The following EFNA2 variants were observed in gnomAD, a reference collection of about 807,000 sequenced individuals.
EFNA2 encodes ephrin-A2.
In EFNA2, 18 loss-of-function variants were observed where a neutral mutation model predicts 19.7. The ratio of observed to expected loss-of-function variants is 0.91; its 90% CI spans 0.63 to 1.35. EFNA2 has a LOEUF of 1.35. Ranked by LOEUF, EFNA2 falls within the 40% of genes most tolerant of loss-of-function variation. The pLI is 0.00. For missense variants in EFNA2, 303 were observed against 296.0 expected (o/e 1.02, Z -0.17); for synonymous variants, 187 against 137.8 (o/e 1.36, Z -2.50).
chr19:1,298,535 AT>A lies in EFNA2; in HGVS notation c.455-15del. Reference sequence around the variant, plus strand: ...AAGAGGCACTTCCCCACTCATCCCCATCCCCTCTCTTCTAGCTGCCACGCCT... The same window carrying A: ...AAGAGGCACTTCCCCACTCATCCCCACCCCTCTCTTCTAGCTGCCACGCCT... On this transcript the variant is annotated splice_polypyrimidine_tract_variant and intron_variant, in intron 2 of 3. Coordinates refer to ENST00000215368, the MANE Select transcript of EFNA2 (RefSeq NM_001405.4). 6.2e-7 allele frequency: 1 copy of A among 1,613,492 alleles called. No individual in the cohort carries two copies. The highest frequency in any genetic ancestry group is 8.5e-7 in the Non-Finnish European group (1 of 1,179,774).
In EFNA2 at chr19:1,300,331, C is replaced by T. The variant is rs577919663; in HGVS notation, c.*386C>T. On this transcript the variant is annotated 3_prime_UTR_variant, in exon 4 of 4. Coordinates refer to ENST00000215368, the MANE Select transcript of EFNA2 (RefSeq NM_001405.4). Reference sequence around the variant, plus strand: ...ACTTGAGTTTTTAATTTAATTTATTCCCTGCCGTTGTAGCGGGGCGGGGTC... The same window carrying T: ...ACTTGAGTTTTTAATTTAATTTATTTCCTGCCGTTGTAGCGGGGCGGGGTC... 1 of 142,006 alleles carries T rather than the reference C, an allele frequency of 7.0e-6. No individual in the cohort carries two copies. Among genetic ancestry groups the T allele is most frequent in the African/African-American group, 2.7e-5 (1 of 36,416 alleles). The allele number at this position is 142,006 out of a possible 1,614,324, so 8.8% of individuals were successfully genotyped here.
At chr19:1,285,685 C>T (rs1039465906), upstream of EFNA2, among the ~76,000 whole-genome samples, 81 of 151,286 alleles carry the variant, frequency 5.4e-4, no homozygotes, top group African/African-American at 1.9e-3. This position sits in a 1 kb window ranked among gnomAD's most constrained non-coding sequence, Gnocchi z 4.1. Context: ...CCGGGCCACG[C>T]GGATGCCGGC....
rs1302844492 is a variant in EFNA2, at chr19:1,294,850, T to A, written c.141-695T>A. On this transcript the variant is annotated intron_variant, in intron 1 of 3. Coordinates refer to ENST00000215368, the MANE Select transcript of EFNA2 (RefSeq NM_001405.4). The surrounding 1 kb of genome is among the most constrained non-coding windows in gnomAD (Gnocchi z 5.8). ...CCCGGTCCTTCTCAACAGGTGGGAG[T>A]GCAGAATGAAAGCAGGGCTGGGGGC... 6.7e-6 allele frequency among the ~76,000 whole-genome samples: 1 copy of A among 149,066 alleles called. No individual in the cohort carries two copies. Among genetic ancestry groups the A allele is most frequent in the Non-Finnish European group, 1.5e-5 (1 of 67,232 alleles).
rs1004578384 is a variant in EFNA2, at chr19:1,286,366, G to T, written c.140+58G>T. ...GACCCCCCAACGCCCCCCAAGCCGC[G>T]CCCGGCCTCGCGCCCCCGGAGCTCC... On this transcript the variant is annotated intron_variant, in intron 1 of 3. Coordinates refer to ENST00000215368, the MANE Select transcript of EFNA2 (RefSeq NM_001405.4). The surrounding 1 kb of genome is among the most constrained non-coding windows in gnomAD (Gnocchi z 5.6). 13 of 926,262 alleles carry T rather than the reference G, an allele frequency of 1.4e-5. No individual in the cohort carries two copies. Among genetic ancestry groups the T allele is most frequent in the Admixed American group, 6.3e-5 (1 of 15,798 alleles). 57.4% of individuals were successfully genotyped at this position (926,262 alleles called of 1,614,324 possible). A position where few individuals can be genotyped will look rare whatever the true frequency, so the allele number is the denominator to read the frequency against.
rs2081532973 is a variant in EFNA2, at chr19:1,299,928, A to G, written c.625A>G (p.Thr209Ala). 1.2e-6 allele frequency: 2 copies of G among 1,602,018 alleles called. No individual in the cohort carries two copies. Among genetic ancestry groups the G allele is most frequent in the Non-Finnish European group, 8.5e-7 (1 of 1,178,550 alleles). Residue 209 changes from threonine (T) to alanine (A), a missense_variant, in exon 4 of 4, where the codon ACC becomes GCC. Thr to Ala is a moderately conservative substitution (Grantham distance 58). Coordinates refer to ENST00000215368, the MANE Select transcript of EFNA2 (RefSeq NM_001405.4). ...CCTCAGCACCATCCCCGTGCTCTGG[A>G]CCCTCCTGGGTTCCTAGTCCCAGCC... ...LFLSTIPVLW[T>A]LLGS
Position 1,300,969 on chromosome 19 carries a change from G to T in EFNA2, c.*1024G>T, listed in dbSNP as rs2081540030. Among the ~76,000 whole-genome samples the T allele has an allele frequency of 6.8e-6, 1 of 147,666 alleles. No homozygotes were observed. Among genetic ancestry groups the T allele is most frequent in the Non-Finnish European group, 1.5e-5 (1 of 67,548 alleles). The stretch of plus-strand genomic sequence containing the variant: ...CCCTTCATAGGGGGTCTTTTATTTT[G>T]GTGGGGGGGTGGGGTGGACTTTTAG... On this transcript the variant is annotated 3_prime_UTR_variant, in exon 4 of 4. Coordinates refer to ENST00000215368, the MANE Select transcript of EFNA2 (RefSeq NM_001405.4).
At position 1,286,159 on chromosome 19, in the gene EFNA2, G is replaced by A. The variant is rs894912318; in HGVS notation, c.-10G>A. On this transcript the variant is annotated 5_prime_UTR_variant, in exon 1 of 4. Transcript: ENST00000215368. The surrounding 1 kb of genome is among the most constrained non-coding windows in gnomAD (Gnocchi z 5.6). ...GCCGGGAGAGCGAGCGCGGCGGCCG[G>A]ACCGGGGCCATGGCGCCCGCGCAGC... The A allele has an allele frequency of 6.3e-6, 6 of 959,524 alleles. No homozygotes were observed. In the African/African-American group the frequency reaches 1.1e-4, roughly 17 times the overall value. The allele number at this position is 959,524 out of a possible 1,614,324, so 59.4% of individuals were successfully genotyped here. A position where few individuals can be genotyped will look rare whatever the true frequency, so the allele number is the denominator to read the frequency against.
rs947617613 is a variant in EFNA2, at chr19:1,296,396, G to A, written c.454+538G>A. Among the ~76,000 whole-genome samples the A allele has an allele frequency of 1.3e-5, 2 of 152,212 alleles. No homozygotes were observed. Among genetic ancestry groups the A allele is most frequent in the Non-Finnish European group, 2.9e-5 (2 of 68,024 alleles). Reference sequence around the variant, plus strand: ...GGAGCTTGGTGGAAGCCACAGCTAGGCTGAGTGCTGGGGCTTACTCCTGCA... The same window carrying A: ...GGAGCTTGGTGGAAGCCACAGCTAGACTGAGTGCTGGGGCTTACTCCTGCA... On this transcript the variant is annotated intron_variant, in intron 2 of 3. Transcript: ENST00000215368. This position sits in a 1 kb window ranked among gnomAD's most constrained non-coding sequence, Gnocchi z 4.4.
At chr19:1,285,652 C>T (rs887889158), upstream of EFNA2, among the ~76,000 whole-genome samples, 2 of 151,730 alleles carry the variant, frequency 1.3e-5, no homozygotes, top group Non-Finnish European at 2.9e-5. The surrounding 1 kb of genome is among the most constrained non-coding windows in gnomAD (Gnocchi z 4.1). Flanking sequence ...CAGGGTGCGC[C>T]CCCGCCCCTC....
chr19:1,287,987 C>G lies in EFNA2; in HGVS notation c.140+1679C>G, dbSNP rs569886924. On this transcript the variant is annotated intron_variant, in intron 1 of 3. Coordinates refer to ENST00000215368, the MANE Select transcript of EFNA2 (RefSeq NM_001405.4). The surrounding 1 kb of genome is among the most constrained non-coding windows in gnomAD (Gnocchi z 6.2). ...GGCCAGGGGAAGGAAGTGGCCTCCC[C>G]AGTGCCTGGCTTGGCCCAGCCACCT... Among the ~76,000 whole-genome samples the G allele has an allele frequency of 8.5e-5, 13 of 152,382 alleles. No individual in the cohort carries two copies. In the East Asian group the frequency reaches 2.5e-3, roughly 29 times the overall value.
chr19:1,298,805 C>T (rs150582476), intron 3 of EFNA2, among the ~76,000 whole-genome samples, 189 bp downstream of exon 3: 23 of 152,294 alleles, frequency 1.5e-4, no homozygotes, highest in African/African-American at 3.4e-4. Context: ...GTTAGCTGAG[C>T]GCAGTGGCTC....
Position 1,295,884 on chromosome 19 carries a change from C to CG in EFNA2, c.454+30dup. On this transcript the variant is annotated intron_variant, in intron 2 of 3. Transcript: ENST00000215368. This position sits in a 1 kb window ranked among gnomAD's most constrained non-coding sequence, Gnocchi z 5.8. ...GTGAGTGGGGTCGGGCCGGGGCTGCCGGGGCCCGAGTGGGCGGGGACGCGG... is the reference window on the plus strand; with the variant it reads ...GTGAGTGGGGTCGGGCCGGGGCTGCCGGGGGCCCGAGTGGGCGGGGACGCGG... The CG allele has an allele frequency of 8.0e-7, 1 of 1,250,342 alleles. No individual in the cohort carries two copies. Among genetic ancestry groups the CG allele is most frequent in the Non-Finnish European group, 1.0e-6 (1 of 970,268 alleles). 77.5% of individuals were successfully genotyped at this position (1,250,342 alleles called of 1,614,324 possible).
chr19:1,299,106 C>T (rs916816649), intron 3 of EFNA2, among the ~76,000 whole-genome samples: 6 of 152,106 alleles, frequency 3.9e-5, no homozygotes, highest in Admixed American at 6.5e-5. Context: ...GGCCTGGTGG[C>T]GGGCTCCTGT....
chr19:1,295,500 G>C lies in EFNA2; in HGVS notation c.141-45G>C. The C allele has an allele frequency of 6.7e-7, 1 of 1,489,994 alleles. No individual in the cohort carries two copies. The highest frequency in any genetic ancestry group is 1.3e-5 in the South Asian group (1 of 77,476). 92.3% of individuals were successfully genotyped at this position (1,489,994 alleles called of 1,614,324 possible). ...CCCCGCGCACCCCGACCCGTGCCCC[G>C]TTCCTCGCTCCGGGCGCTGACCTCT... On this transcript the variant is annotated intron_variant, in intron 1 of 3. Coordinates refer to ENST00000215368, the MANE Select transcript of EFNA2 (RefSeq NM_001405.4). The surrounding 1 kb of genome is among the most constrained non-coding windows in gnomAD (Gnocchi z 5.8).
chr19:1,295,872 G>GGCCGGGGCT lies in EFNA2; in HGVS notation c.454+23_454+31dup. 2 of 1,565,580 alleles carry GGCCGGGGCT rather than the reference G, an allele frequency of 1.3e-6. No homozygotes were observed. Among genetic ancestry groups the GGCCGGGGCT allele is most frequent in the Non-Finnish European group, 1.7e-6 (2 of 1,163,588 alleles). On this transcript the variant is annotated intron_variant, in intron 2 of 3. Transcript: ENST00000215368. This position sits in a 1 kb window ranked among gnomAD's most constrained non-coding sequence, Gnocchi z 5.8. ...ATTACTACATCTGTGAGTGGGGTCG[G>GGCCGGGGCT]GCCGGGGCTGCCGGGGCCCGAGTGG...
In EFNA2 at chr19:1,296,353, G is replaced by A. The variant is rs917242308; in HGVS notation, c.454+495G>A. Among the ~76,000 whole-genome samples the A allele has an allele frequency of 1.3e-5, 2 of 152,204 alleles. No homozygotes were observed. The highest frequency in any genetic ancestry group is 1.3e-4 in the Admixed American group (2 of 15,284). On this transcript the variant is annotated intron_variant, in intron 2 of 3. Transcript: ENST00000215368. The surrounding 1 kb of genome is among the most constrained non-coding windows in gnomAD (Gnocchi z 4.4). ...ACTGATGAGGGAAACTGAGGCATCC[G>A]GAGCCCAGCAGGGGAGGGGAGCTTG...
In EFNA2 at chr19:1,287,173, G is replaced by C. The variant is rs1406042414; in HGVS notation, c.140+865G>C. Among the ~76,000 whole-genome samples the C allele has an allele frequency of 1.3e-5, 2 of 152,240 alleles. No homozygotes were observed. The highest frequency in any genetic ancestry group is 2.9e-5 in the Non-Finnish European group (2 of 68,044). ...CCGTTGGTCAGAGCAAAAAAAGTTT[G>C]CCGGGGCCTGGCCATGGCCTGGACG... On this transcript the variant is annotated intron_variant, in intron 1 of 3. Transcript: ENST00000215368. The surrounding 1 kb of genome is among the most constrained non-coding windows in gnomAD (Gnocchi z 6.2).
In EFNA2 at chr19:1,300,418, C is replaced by A. The variant is rs897793615; in HGVS notation, c.*473C>A. ...TGGGGTCGGGAACACAGCCGCTCCC[C>A]TCTGCTCTGCACCCCACTCGTGGGG... On this transcript the variant is annotated 3_prime_UTR_variant, in exon 4 of 4. Transcript: ENST00000215368. 5.3e-5 allele frequency among the ~76,000 whole-genome samples: 8 copies of A among 151,776 alleles called. No individual in the cohort carries two copies. The highest frequency in any genetic ancestry group is 3.3e-4 in the Admixed American group (5 of 15,240).
intron 1 of EFNA2, among the ~76,000 whole-genome samples, chr19:1,290,814 G>C (rs541473217): frequency 6.6e-6 from 1 of 152,186 alleles, no homozygotes; most frequent in Non-Finnish European, 1.5e-5. Flanking sequence ...CCAGACACGC[G>C]GCTGGAGCCT....
Sources: allele counts gnomAD v4.1 joint callset (sites outside exome capture counted in the v4.1 genomes callset), GRCh38; gene constraint gnomAD v4.1.1; non-coding constraint Gnocchi (gnomAD v3.1); transcripts MANE v1.5; gene names NCBI Gene and HGNC (gene_info 2026-07-23, HGNC 2026-07-21).